Variants in KLHL29 observed in about 807,000 individuals in gnomAD.
KLHL29 encodes the protein kelch like family member 29.
A neutral mutation model predicts 80.4 loss-of-function variants in KLHL29; 21 were observed. The ratio of observed to expected loss-of-function variants is 0.26; its 90% CI spans 0.19 to 0.38. The LOEUF (loss-of-function observed/expected upper bound fraction) is 0.38. KLHL29 is among the 10% of genes least tolerant of loss of function. The pLI is 1.00. For missense variants in KLHL29, 867 were observed against 1,223.9 expected, an observed-to-expected ratio of 0.71 and a Z score of 4.35; for synonymous variants, 511 against 526.8, an observed-to-expected ratio of 0.97 and a Z score of 0.41.
intron 1 of KLHL29, among the ~76,000 whole-genome samples, chr2:23,403,422 A>G (rs1287479238): frequency 6.6e-6 from 1 of 152,280 alleles, no homozygotes; most frequent in African/African-American, 2.4e-5. Flanking sequence ...ACTCACCTTA[A>G]AGGAATAATT....
chr2:23,525,689 T>G (rs1176330748), intron 2 of KLHL29, among the ~76,000 whole-genome samples: 2 of 147,824 alleles, frequency 1.4e-5, no homozygotes, highest in Non-Finnish European at 3.0e-5. Flanking sequence ...GCTGGGACTT[T>G]CCTCGCTCCC....
rs1461830185 is a variant in KLHL29 at position 23,696,157 on chromosome 2, G to T, written c.1924+24G>T. ...AGGTGAGGCCCCCCGGGGTTGGGGC[G>T]GGACCAGGCATGGGGGTCCCAAGGG... On this transcript the variant is annotated intron_variant, in intron 10 of 13. Transcript: ENST00000486442. The surrounding 1 kb of genome is among the most constrained non-coding windows in gnomAD (Gnocchi z 5.5). 12 of 1,545,786 alleles carry T rather than the reference G, an allele frequency of 7.8e-6. No individual in the cohort carries two copies. Among genetic ancestry groups the T allele is most frequent in the Non-Finnish European group, 1.0e-5 (12 of 1,143,540 alleles).
chr2:23,698,222 A>G (rs1337882373), intron 11 of KLHL29, among the ~76,000 whole-genome samples: 1 of 152,090 alleles, frequency 6.6e-6, no homozygotes, highest in African/African-American at 2.4e-5. Context: ...CCAAGAGATG[A>G]AGGACAAAAG....
At chr2:23,667,182 C>A (rs1038207110) in intron 5 of KLHL29, 45 of 152,300 alleles carry the variant, frequency 3.0e-4, no homozygotes, top group African/African-American at 1.1e-3. Context: ...TTTGCAAGGA[C>A]CACAAGAATA....
At chr2:23,572,845 C>T (rs1667749379) in intron 3 of KLHL29, among the ~76,000 whole-genome samples, 1 of 152,208 alleles carries the variant, frequency 6.6e-6, no homozygotes, top group South Asian at 2.1e-4. Context: ...GGACTACAGG[C>T]ACCCGCCTCC....
intron 2 of KLHL29, among the ~76,000 whole-genome samples, chr2:23,559,930 G>A (rs978396123): frequency 7.9e-5 from 12 of 152,162 alleles, no homozygotes; most frequent in African/African-American, 2.2e-4. Flanking sequence ...AGAGGGAGGC[G>A]GAGGGCTGGG....
intron 3 of KLHL29, among the ~76,000 whole-genome samples, chr2:23,627,908 G>GGCT (rs1558414525): frequency 2.7e-5 from 1 of 37,298 alleles, no homozygotes; most frequent in South Asian, 9.5e-4. Flanking sequence ...GAGGCCAGGA[G>GGCT]TCTTTTTTTT....
chr2:23,396,253 A>G (rs1312863891), intron 1 of KLHL29, among the ~76,000 whole-genome samples: 7 of 152,284 alleles, frequency 4.6e-5, no homozygotes, highest in Middle Eastern at 3.4e-3. Flanking sequence ...CCCTGCGTTT[A>G]GGTGCCTCCC....
At chr2:23,701,929 T>C (rs1330231966) in intron 11 of KLHL29, among the ~76,000 whole-genome samples, 1 of 150,812 alleles carries the variant, frequency 6.6e-6, no homozygotes, top group Non-Finnish European at 1.5e-5. Flanking sequence ...GCCGGGTAGC[T>C]GGGTAGCTGG....
chr2:23,451,497 C>A (rs913358968), intron 1 of KLHL29, among the ~76,000 whole-genome samples: 6 of 152,194 alleles, frequency 3.9e-5, no homozygotes, highest in Non-Finnish European at 8.8e-5. Flanking sequence ...TGTGCATGCG[C>A]CTTGCAAGCT....
intron 3 of KLHL29, among the ~76,000 whole-genome samples, chr2:23,615,372 C>T (rs1668978157): frequency 6.6e-6 from 1 of 152,308 alleles, no homozygotes; most frequent in South Asian, 2.1e-4. Context: ...CCCCAGCCAC[C>T]CTGGGACCAT....
Position 23,703,187 on chromosome 2 carries a change from T to C in KLHL29, c.2107T>C (p.Tyr703His). Residue 703 changes from tyrosine to histidine, a missense_variant and splice_region_variant, in exon 12 of 14, where the codon TAC becomes CAC. Transcript: ENST00000486442. ...GGCTCTTTTTCTCCTCTCCTGCAGGTACGACACCATCACCAACCAATGGGA... is the reference window on the plus strand; with the variant it reads ...GGCTCTTTTTCTCCTCTCCTGCAGGCACGACACCATCACCAACCAATGGGA... ...VAGNVDHVER[Y>H]DTITNQWEAV... The C allele has an allele frequency of 1.4e-6, 2 of 1,441,230 alleles. No individual in the cohort carries two copies. Among genetic ancestry groups the C allele is most frequent in the Non-Finnish European group, 1.8e-6 (2 of 1,091,640 alleles). 89.3% of individuals were successfully genotyped at this position (1,441,230 alleles called of 1,614,324 possible).
At chr2:23,607,114 A>G (rs758586314) in intron 3 of KLHL29, among the ~76,000 whole-genome samples, 1 of 152,212 alleles carries the variant, frequency 6.6e-6, no homozygotes, top group Admixed American at 6.5e-5. Flanking sequence ...TTCTCATACC[A>G]TCACACTGGG....
At chr2:23,694,629 C>T (rs1229605002) in intron 8 of KLHL29, among the ~76,000 whole-genome samples, 1 of 152,230 alleles carries the variant, frequency 6.6e-6, no homozygotes, top group Non-Finnish European at 1.5e-5. Context: ...TCTCCCTAAA[C>T]GCCTCCTCAA....
intron 2 of KLHL29, among the ~76,000 whole-genome samples, chr2:23,519,559 C>G (rs1252845265): frequency 6.6e-6 from 1 of 152,022 alleles, no homozygotes; most frequent in East Asian, 1.9e-4. Context: ...TGGCATAAAC[C>G]ACCCTGGGGT....
chr2:23,598,486 T>TGTTCCCTGCCAATCAC (rs1239849877), intron 3 of KLHL29, among the ~76,000 whole-genome samples: 20 of 152,246 alleles, frequency 1.3e-4, no homozygotes, highest in Admixed American at 1.3e-3. Flanking sequence ...CTGCCCTGGC[T>TGTTCCCTGCCAATCAC]GTTCCCTGCC....
Position 23,661,699 on chromosome 2 carries a change from T to G in KLHL29, c.940+18849T>G, listed in dbSNP as rs142023996. On this transcript the variant is annotated intron_variant, in intron 5 of 13. Coordinates refer to ENST00000486442, the MANE Select transcript of KLHL29 (RefSeq NM_052920.2). Reference sequence around the variant, plus strand: ...GTCCTGGGAAGAATCTCCAAACCCATGAGCAACCCCCAGGCCCACTGGGAA... The same window carrying G: ...GTCCTGGGAAGAATCTCCAAACCCAGGAGCAACCCCCAGGCCCACTGGGAA... Among the ~76,000 whole-genome samples, 38 of 152,344 alleles carry G rather than the reference T, an allele frequency of 2.5e-4. No individual in the cohort carries two copies. The East Asian group carries it at 4.8e-3, about 19-fold the overall frequency.
chr2:23,670,911 G>GCT (rs1670703728), intron 5 of KLHL29, among the ~76,000 whole-genome samples: 1 of 33,068 alleles, frequency 3.0e-5, no homozygotes, highest in Non-Finnish European at 8.4e-5. Flanking sequence ...CTACACACAT[G>GCT]CACGCGCTCT....
chr2:23,668,008 A>G (rs1670601454), intron 5 of KLHL29: 1 of 152,264 alleles, frequency 6.6e-6, no homozygotes, highest in African/African-American at 2.4e-5. Flanking sequence ...AAAGCACTTC[A>G]GTTCAGTTGT....
Sources: allele counts gnomAD v4.1 joint callset (sites outside exome capture counted in the v4.1 genomes callset), GRCh38; gene constraint gnomAD v4.1.1; non-coding constraint Gnocchi (gnomAD v3.1); transcripts MANE v1.5; gene names NCBI Gene and HGNC (gene_info 2026-07-23, HGNC 2026-07-21).